Variants in ZNF214 observed in about 807,000 individuals in gnomAD.
The protein encoded by ZNF214 is BWSCR2-associated zinc finger protein 1.
In ZNF214, 43 loss-of-function variants were observed where a neutral mutation model predicts 53.9. That is an observed-to-expected ratio of 0.80 (90% confidence interval 0.63 to 1.03). The LOEUF (loss-of-function observed/expected upper bound fraction) is 1.03, where lower values mean the gene tolerates loss of function less well. Ranked by LOEUF, ZNF214 falls within the 50% of genes least tolerant of loss-of-function variation. ZNF214 has a pLI of 0.00. For synonymous variants in ZNF214, 217 were observed against 229.5 expected (o/e 0.95, Z 0.49); for missense variants, 724 against 719.1 (o/e 1.01, Z -0.08).
intron 1 of ZNF214, among the ~76,000 whole-genome samples, chr11:7,006,100 G>T (rs113745487): frequency 1.7e-4 from 26 of 151,904 alleles, no homozygotes; most frequent in African/African-American, 6.3e-4. Flanking sequence ...TTTTCTTTTC[G>T]ATGTGCAAGA....
chr11:7,002,030 A>T (rs1008956469), intron 2 of ZNF214, among the ~76,000 whole-genome samples: 1 of 151,768 alleles, frequency 6.6e-6, no homozygotes, highest in African/African-American at 2.4e-5. Flanking sequence ...CTCCTTCCAC[A>T]CTCTCTCTAT....
At chr11:7,003,571 T>C (rs184666584) in intron 1 of ZNF214, among the ~76,000 whole-genome samples, 310 of 152,154 alleles carry the variant, frequency 2.0e-3, no homozygotes, top group African/African-American at 7.1e-3. Context: ...AAGTTACTTG[T>C]ATAAGATTAT....
intron 1 of ZNF214, among the ~76,000 whole-genome samples, chr11:7,010,307 A>G (rs1419863818): frequency 6.6e-6 from 1 of 152,120 alleles, no homozygotes; most frequent in East Asian, 1.9e-4. Context: ...TCCTAAGTGA[A>G]CTAATGCAGA....
intron 1 of ZNF214, among the ~76,000 whole-genome samples, chr11:7,008,438 A>G (rs191265736): frequency 6.6e-6 from 1 of 152,184 alleles, no homozygotes; most frequent in East Asian, 1.9e-4. Context: ...GTCTTAAATA[A>G]ATAAATAAAT....
Position 6,997,710 on chromosome 11 carries a change from C to T in ZNF214, c.*2152G>A, listed in dbSNP as rs1851219872. On this transcript the variant is annotated 3_prime_UTR_variant, in exon 3 of 3. Transcript: ENST00000278314. ...TCTCTCCAGTTGCCGGATGTAGCAA[C>T]TAAAAACAGAAATGACCAGTTAAAT... 6.6e-6 allele frequency among the ~76,000 whole-genome samples: 1 copy of T among 151,568 alleles called. No homozygotes were observed. Among genetic ancestry groups the T allele is most frequent in the South Asian group, 2.1e-4 (1 of 4,826 alleles).
intron 1 of ZNF214, among the ~76,000 whole-genome samples, chr11:7,010,991 T>TA (rs1564998375): frequency 1.3e-5 from 2 of 151,616 alleles, no homozygotes; most frequent in East Asian, 1.9e-4. Context: ...GAAAGACTAA[T>TA]AAAAAATCAT....
intron 1 of ZNF214, chr11:7,016,075 T>C (rs1356796983): frequency 6.6e-6 from 1 of 152,198 alleles, no homozygotes; most frequent in Non-Finnish European, 1.5e-5. Flanking sequence ...TTCTTACGTC[T>C]TAGTGACTAA....
chr11:7,000,194 GT>G lies in ZNF214; in HGVS notation c.1488del (p.Lys496AsnfsTer118). On this transcript the variant is annotated frameshift_variant, in exon 3 of 3. Transcript: ENST00000278314. LOFTEE classifies it high-confidence loss of function. ...HTHQRVHTGE[K>X]PYKCEECGKG... ...TTGCCACACTCTTCACATTTGTAGGGTTTCTCTCCAGTATGTACTCTTTGAT... is the reference window on the plus strand; with the variant it reads ...TTGCCACACTCTTCACATTTGTAGGGTTCTCTCCAGTATGTACTCTTTGAT... The G allele has an allele frequency of 6.2e-7, 1 of 1,613,214 alleles. No homozygotes were observed. Among genetic ancestry groups the G allele is most frequent in the Non-Finnish European group, 8.5e-7 (1 of 1,179,584 alleles).
rs1194299335 is a variant in ZNF214, at chr11:6,999,234, C to G, written c.*628G>C. 6.6e-6 allele frequency: 1 copy of G among 152,048 alleles called. No individual in the cohort carries two copies. Among genetic ancestry groups the G allele is most frequent in the East Asian group, 1.9e-4 (1 of 5,186 alleles). 9.4% of individuals were successfully genotyped at this position (152,048 alleles called of 1,614,324 possible). A position where few individuals can be genotyped will look rare whatever the true frequency, so the allele number is the denominator to read the frequency against. ...CTGTAGTCACCTCAAAGTGAAGCAC[C>G]CCTGCAACAGAAGGATGGTCCCTGG... On this transcript the variant is annotated 3_prime_UTR_variant, in exon 3 of 3. Transcript: ENST00000278314.
chr11:7,017,428 T>A (rs60601998), intron 1 of ZNF214, among the ~76,000 whole-genome samples: 39,201 of 152,136 alleles, frequency 0.26, 5,407 homozygotes, highest in Admixed American at 0.32. Context: ...ATATTTATTA[T>A]AAGATATTTA....
rs768472232 is a variant in ZNF214, at chr11:7,002,822, A to G, written c.14T>C (p.Phe5Ser). 1 of 1,601,742 alleles carries G rather than the reference A, an allele frequency of 6.2e-7. No homozygotes were observed. MAVT[F>S]EDVTIIFTWE... is the part of the protein sequence containing the mutation. Reference sequence around the variant, plus strand: ...TGTAAAAATAATAGTCACATCTTCAAATGTTACTGCCATCTGGTCAAAGAT... The same window carrying G: ...TGTAAAAATAATAGTCACATCTTCAGATGTTACTGCCATCTGGTCAAAGAT... Residue 5 changes from phenylalanine to serine, a missense_variant, in exon 2 of 3, where the codon TTT (phenylalanine) becomes TCT (serine). Transcript: ENST00000278314.
chr11:7,006,914 A>G (rs1009986813), intron 1 of ZNF214, among the ~76,000 whole-genome samples: 1 of 152,016 alleles, frequency 6.6e-6, no homozygotes, highest in African/African-American at 2.4e-5. Context: ...CTAATCCAGG[A>G]AAGGCTGCAT....
rs568407798 is a variant in ZNF214, at chr11:6,997,878, G to C, written c.*1984C>G. On this transcript the variant is annotated 3_prime_UTR_variant, in exon 3 of 3. Coordinates refer to ENST00000278314, the MANE Select transcript of ZNF214 (RefSeq NM_013249.4). ...AACCTTACTCTCCTACCCAGACTCA[G>C]CATTTGTACACTTTACACTCAGCAT... Among the ~76,000 whole-genome samples the C allele has an allele frequency of 1.3e-5, 2 of 151,796 alleles. No individual in the cohort carries two copies. Among genetic ancestry groups the C allele is most frequent in the Non-Finnish European group, 2.9e-5 (2 of 67,868 alleles).
At chr11:7,001,631 C>A (rs1245989565) in intron 2 of ZNF214, 76 bp from the exon 3 acceptor site, 2 of 1,469,730 alleles carry the variant, frequency 1.4e-6, no homozygotes, top group Non-Finnish European at 1.8e-6. Context: ...AAATCAATGA[C>A]CTTTAAATGA....
chr11:7,011,621 C>G (rs1230525497), intron 1 of ZNF214, among the ~76,000 whole-genome samples: 1 of 152,038 alleles, frequency 6.6e-6, no homozygotes, highest in Non-Finnish European at 1.5e-5. Context: ...ACAAGAATGA[C>G]CACCGTCACT....
At chr11:7,018,418 A>C (rs1229049999) in intron 1 of ZNF214, among the ~76,000 whole-genome samples, 1 of 149,910 alleles carries the variant, frequency 6.7e-6, no homozygotes, top group Non-Finnish European at 1.5e-5. Context: ...AGTGCCACTC[A>C]TTCTGGCACT....
At chr11:7,011,367 T>G (rs976238661) in intron 1 of ZNF214, among the ~76,000 whole-genome samples, 2 of 152,062 alleles carry the variant, frequency 1.3e-5, no homozygotes, top group African/African-American at 2.4e-5. Flanking sequence ...TCGTTCAACA[T>G]GAGAAAAATC....
chr11:6,998,233 A>G lies in ZNF214; in HGVS notation c.*1629T>C, dbSNP rs1564986096. ...TCCCTTTCTGGTTTTGCAGATAACC[A>G]GAATTTTTCTTTCTGCATGCTTTTA... On this transcript the variant is annotated 3_prime_UTR_variant, in exon 3 of 3. Coordinates refer to ENST00000278314, the MANE Select transcript of ZNF214 (RefSeq NM_013249.4). Among the ~76,000 whole-genome samples, 1 of 151,958 alleles carries G rather than the reference A, an allele frequency of 6.6e-6. No individual in the cohort carries two copies. Among genetic ancestry groups the G allele is most frequent in the South Asian group, 2.1e-4 (1 of 4,830 alleles).
At position 7,002,764 on chromosome 11, in the gene ZNF214, T is replaced by C. The variant is rs745441626; in HGVS notation, c.72A>G (p.Gln24=). The C allele has an allele frequency of 1.2e-6, 2 of 1,610,078 alleles. No individual in the cohort carries two copies. The highest frequency in any genetic ancestry group is 1.3e-5 in the African/African-American group (1 of 74,580). Reference sequence around the variant, plus strand: ...ACATGACCTCCCTGTAGAGTCTTTTTTGAGAAGAATCCAGGAATTTCCACT... The same window carrying C: ...ACATGACCTCCCTGTAGAGTCTTTTCTGAGAAGAATCCAGGAATTTCCACT... ...WEEWKFLDSS[Q]KRLYREVMWE... is the part of the protein sequence containing the mutation. The change falls in exon 2 of 3, where the codon CAA becomes CAG. Residue 24 remains glutamine, a synonymous_variant. Coordinates refer to ENST00000278314, the MANE Select transcript of ZNF214 (RefSeq NM_013249.4).
Sources: allele counts gnomAD v4.1 joint callset (sites outside exome capture counted in the v4.1 genomes callset), GRCh38; gene constraint gnomAD v4.1.1; transcripts MANE v1.5; gene names NCBI Gene and HGNC (gene_info 2026-07-23, HGNC 2026-07-21).